The following USH2A variants were observed in gnomAD, a reference collection of about 807,000 sequenced individuals.
USH2A encodes the protein Usher syndrome 2A (autosomal recessive, mild).
In USH2A, 443 loss-of-function variants were observed where a neutral mutation model predicts 538.9. The observed-to-expected ratio is 0.82, with a 90% confidence interval of 0.76 to 0.89. The LOEUF (loss-of-function observed/expected upper bound fraction) is 0.89, where lower values mean the gene tolerates loss of function less well. USH2A is among the 40% of genes least tolerant of loss of function. USH2A has a pLI of 0.00. For synonymous variants in USH2A, 2,413 were observed against 2,273.5 expected (o/e 1.06, Z -1.75); for missense variants, 6,633 against 6,324.8 (o/e 1.05, Z -1.65).
chr1:215,858,439 C>A (rs550039932), intron 44 of USH2A, among the ~76,000 whole-genome samples: 1 of 150,572 alleles, frequency 6.6e-6, no homozygotes, highest in Non-Finnish European at 1.5e-5. Flanking sequence ...CTCGCAAGAT[C>A]TGATGGTTTC....
At chr1:216,283,486 A>G (rs2036823713) in intron 11 of USH2A, among the ~76,000 whole-genome samples, 1 of 152,162 alleles carries the variant, frequency 6.6e-6, no homozygotes, top group African/African-American at 2.4e-5. Flanking sequence ...CTCTTTTTCC[A>G]GTCTCAATGT....
chr1:215,771,787 T>A (rs1350297945), intron 55 of USH2A, among the ~76,000 whole-genome samples: 4 of 152,022 alleles, frequency 2.6e-5, no homozygotes, highest in African/African-American at 9.7e-5. Context: ...AAGGAAGTTT[T>A]CTGGCTTCTA....
At chr1:215,979,235 T>C (rs916300001) in intron 35 of USH2A, among the ~76,000 whole-genome samples, 4 of 152,108 alleles carry the variant, frequency 2.6e-5, no homozygotes, top group African/African-American at 9.7e-5. Context: ...ATGCCCCCCA[T>C]AGTTCAATTA....
intron 11 of USH2A, among the ~76,000 whole-genome samples, chr1:216,254,826 A>T (rs2036229960): frequency 1.3e-5 from 2 of 152,198 alleles, no homozygotes; most frequent in South Asian, 4.1e-4. Flanking sequence ...GCACACCAGC[A>T]CTGAGCCAAA....
intron 32 of USH2A, among the ~76,000 whole-genome samples, chr1:216,017,197 TTCTC>T (rs1437437751): frequency 2.6e-5 from 4 of 152,028 alleles, no homozygotes; most frequent in South Asian, 2.1e-4. Flanking sequence ...TCCTCTCGTG[TTCTC>T]TCTCTATCTT....
At chr1:215,724,100 CATCTAT>C (rs1421734286) in intron 61 of USH2A, among the ~76,000 whole-genome samples, 2 of 142,886 alleles carry the variant, frequency 1.4e-5, no homozygotes, top group African/African-American at 5.1e-5. Context: ...ATATCTATAT[CATCTAT>C]ATCTATATCT....
rs976066928 is a variant in USH2A at position 216,314,167 on chromosome 1, A to G, written c.1644+7716T>C. On this transcript the variant is annotated intron_variant, in intron 9 of 71. Transcript: ENST00000307340. Reference sequence around the variant, plus strand: ...CTATGTTTATACTTTCACTATCTCTATTTGCTTCTTCTGTAAGGCTGTCTT... The same window carrying G: ...CTATGTTTATACTTTCACTATCTCTGTTTGCTTCTTCTGTAAGGCTGTCTT... Among the ~76,000 whole-genome samples the G allele has an allele frequency of 5.3e-5, 8 of 151,936 alleles. No individual in the cohort carries two copies. The East Asian group carries it at 1.5e-3, about 29-fold the overall frequency.
intron 38 of USH2A, among the ~76,000 whole-genome samples, chr1:215,904,844 A>T (rs1665592646): frequency 6.6e-6 from 1 of 152,126 alleles, no homozygotes; most frequent in Admixed American, 6.6e-5. Context: ...CAGAAAATCA[A>T]ATTCATACAA....
intron 37 of USH2A, among the ~76,000 whole-genome samples, chr1:215,938,920 A>G (rs1666569212): frequency 6.6e-6 from 1 of 152,144 alleles, no homozygotes; most frequent in Non-Finnish European, 1.5e-5. Context: ...GGCCTACTGG[A>G]TGAGCATCAG....
chr1:215,900,252 C>T (rs372576767), intron 39 of USH2A, 35 bp from the exon 40 acceptor site: 149 of 1,610,750 alleles, frequency 9.3e-5, no homozygotes, highest in South Asian at 4.2e-4. Flanking sequence ...AGGAAGTTTT[C>T]GACATTCAAA....
chr1:216,200,977 A>ATCCCTCCCTCCCTCCC (rs58287796), intron 16 of USH2A, among the ~76,000 whole-genome samples: 16 of 50,100 alleles, frequency 3.2e-4, no homozygotes, highest in Non-Finnish European at 4.4e-4. Flanking sequence ...CCCCCCATCC[A>ATCCCTCCCTCCCTCCC]TCCCTCCCTC....
intron 32 of USH2A, among the ~76,000 whole-genome samples, chr1:216,013,755 A>G (rs1668635940): frequency 6.6e-6 from 1 of 151,250 alleles, no homozygotes; most frequent in Non-Finnish European, 1.5e-5. Flanking sequence ...CCCCACCCCT[A>G]TCTCCCTTCG....
At chr1:215,799,797 C>T (rs1349018629) in intron 49 of USH2A, among the ~76,000 whole-genome samples, 1 of 151,964 alleles carries the variant, frequency 6.6e-6, no homozygotes, top group Non-Finnish European at 1.5e-5. Flanking sequence ...ACCAGCCTGG[C>T]CAACATGGTG....
At chr1:216,064,172 T>C (rs1031917238) in intron 30 of USH2A, among the ~76,000 whole-genome samples, 3 of 152,218 alleles carry the variant, frequency 2.0e-5, no homozygotes, top group Non-Finnish European at 4.4e-5. Context: ...TCATAGACTT[T>C]ATGAATTTTT....
At chr1:215,649,429 A>C (rs1383632485) in intron 65 of USH2A, among the ~76,000 whole-genome samples, 2 of 152,254 alleles carry the variant, frequency 1.3e-5, no homozygotes, top group Non-Finnish European at 2.9e-5. Context: ...CAGAAACTGA[A>C]ATTAATGTTC....
At chr1:216,337,256 A>G (rs1298783539) in intron 4 of USH2A, among the ~76,000 whole-genome samples, 2 of 151,410 alleles carry the variant, frequency 1.3e-5, no homozygotes, top group Non-Finnish European at 3.0e-5. Flanking sequence ...ATTTTATTTA[A>G]TCCTCATAAA....
intron 38 of USH2A, among the ~76,000 whole-genome samples, chr1:215,902,815 A>G (rs1045154041): frequency 1.3e-5 from 2 of 152,116 alleles, no homozygotes; most frequent in Admixed American, 6.6e-5. Flanking sequence ...GGAGGAAAAC[A>G]TTCTGGTTGT....
At chr1:216,107,588 G>A (rs1468099511) in intron 21 of USH2A, among the ~76,000 whole-genome samples, 1 of 150,392 alleles carries the variant, frequency 6.6e-6, no homozygotes, top group East Asian at 1.9e-4. Context: ...TTTGATTGTT[G>A]TGTTATGTGC....
chr1:216,253,949 T>C (rs115482922), intron 11 of USH2A, among the ~76,000 whole-genome samples: 2,149 of 152,314 alleles, frequency 0.014, 20 homozygotes, highest in Non-Finnish European at 0.023. Flanking sequence ...TGCTCTGCTA[T>C]AAAGCATATT....
Sources: allele counts gnomAD v4.1 joint callset (sites outside exome capture counted in the v4.1 genomes callset), GRCh38; gene constraint gnomAD v4.1.1; transcripts MANE v1.5; gene names NCBI Gene and HGNC (gene_info 2026-07-23, HGNC 2026-07-21).